Variants in CPS1 observed in about 807,000 individuals in gnomAD.
The protein encoded by CPS1 is carbamoyl-phosphate synthase [ammonia], mitochondrial.
A neutral mutation model predicts 174.6 loss-of-function variants in CPS1; 109 were observed. The observed-to-expected ratio is 0.62, with a 90% CI of 0.53 to 0.73. The LOEUF is 0.73. CPS1 is among the 30% of genes least tolerant of loss of function. The probability of loss-of-function intolerance (pLI) is 0.00; values close to 1 mark genes in which losing one functional copy is unlikely to be tolerated. For missense variants in CPS1, 1,689 were observed against 1,821.9 expected (o/e 0.93, Z 1.33); for synonymous variants, 637 against 632.0 (o/e 1.01, Z -0.12).
At chr2:210,656,451 G>A in intron 29 of CPS1, 74 bp from the exon 30 acceptor site, 1 of 1,019,738 alleles carries the variant, frequency 9.8e-7, no homozygotes, top group Non-Finnish European at 1.6e-6. Context: ...CAAAGGGGAG[G>A]ATGAGGGAGT....
At chr2:210,666,161 T>G (rs914995359) in intron 33 of CPS1, among the ~76,000 whole-genome samples, 3 of 151,984 alleles carry the variant, frequency 2.0e-5, no homozygotes, top group Non-Finnish European at 2.9e-5. Context: ...TTGCTCACTT[T>G]TTGATGGGGT....
At chr2:210,556,469 G>T (rs1451796285), upstream of CPS1, 2 of 862,216 alleles carry the variant, frequency 2.3e-6, no homozygotes, top group East Asian at 3.3e-5. Flanking sequence ...GCAGGAGAAG[G>T]TAGTATTTGA....
chr2:210,549,621 G>C (rs1696669200), intron 1 of CPS1, among the ~76,000 whole-genome samples: 1 of 151,938 alleles, frequency 6.6e-6, no homozygotes. Flanking sequence ...AACAGCTTTA[G>C]ATCAAATATT....
chr2:210,506,666 G>C (rs961054694), intron 1 of CPS1, among the ~76,000 whole-genome samples: 2 of 152,152 alleles, frequency 1.3e-5, no homozygotes, highest in Non-Finnish European at 2.9e-5. Context: ...AATAACCAAT[G>C]CAAAGAAGTC....
At chr2:210,524,996 T>A (rs548293042) in intron 1 of CPS1, among the ~76,000 whole-genome samples, 1 of 152,088 alleles carries the variant, frequency 6.6e-6, no homozygotes, top group South Asian at 2.1e-4. Context: ...TCAGGTTTCA[T>A]CCACTGAACA....
rs187827089 is a variant in CPS1 at position 210,535,304 on chromosome 2, A to G, written c.4-21415A>G. Among the ~76,000 whole-genome samples, 397 of 152,276 alleles carry G rather than the reference A, an allele frequency of 2.6e-3. 3 individuals are homozygous for G. The highest frequency in any genetic ancestry group is 6.4e-3 in the South Asian group (31 of 4,826). ...TGTTTTCTGGCTATGCTTTGAGAGCAGGTTAGGCACCTACCCCTGTCAGAA... is the reference window on the plus strand; with the variant it reads ...TGTTTTCTGGCTATGCTTTGAGAGCGGGTTAGGCACCTACCCCTGTCAGAA... On this transcript the variant is annotated intron_variant, in intron 1 of 38. Transcript: ENST00000430249.
intron 1 of CPS1, among the ~76,000 whole-genome samples, chr2:210,508,883 A>T (rs1695367071): frequency 1.3e-5 from 2 of 152,226 alleles, no homozygotes; most frequent in African/African-American, 2.4e-5. Context: ...TTGAGGCAAT[A>T]ATTAATAGCT....
At chr2:210,546,241 C>G (rs542571836) in intron 1 of CPS1, among the ~76,000 whole-genome samples, 4 of 151,990 alleles carry the variant, frequency 2.6e-5, no homozygotes. Flanking sequence ...TTAATTATTA[C>G]TTATGGACTA....
intron 2 of CPS1, among the ~76,000 whole-genome samples, chr2:210,575,209 T>C (rs1034082254): frequency 5.9e-5 from 9 of 152,062 alleles, no homozygotes; most frequent in African/African-American, 2.2e-4. Flanking sequence ...TAGGCGTTAG[T>C]CTGGATGGTG....
intron 32 of CPS1, among the ~76,000 whole-genome samples, chr2:210,662,024 C>T (rs992620320): frequency 1.3e-5 from 2 of 150,300 alleles, no homozygotes; most frequent in Admixed American, 6.7e-5. Flanking sequence ...TCCCCCTCAG[C>T]CCCCCAAGTA....
intron 1 of CPS1, among the ~76,000 whole-genome samples, chr2:210,513,947 C>A (rs553304373): frequency 4.8e-4 from 73 of 152,146 alleles, no homozygotes; most frequent in African/African-American, 1.6e-3. Flanking sequence ...ATAGGAAGTT[C>A]TTTCCCCATT....
chr2:210,486,462 C>T (rs1694729514), intron 1 of CPS1, among the ~76,000 whole-genome samples: 2 of 152,158 alleles, frequency 1.3e-5, no homozygotes, highest in African/African-American at 2.4e-5. Flanking sequence ...CTTATATCAT[C>T]TTATCATCTT....
chr2:210,510,717 G>T (rs569896150), intron 1 of CPS1, among the ~76,000 whole-genome samples: 1 of 152,112 alleles, frequency 6.6e-6, no homozygotes, highest in African/African-American at 2.4e-5. Context: ...ACAAGTGGGC[G>T]AAGGATATGA....
chr2:210,619,248 G>A (rs1471770963), intron 21 of CPS1: 1 of 152,118 alleles, frequency 6.6e-6, no homozygotes, highest in East Asian at 1.9e-4. Context: ...TGGAGCCAGA[G>A]ATTGGTGCGC....
At chr2:210,621,017 C>A (rs1022925226) in intron 21 of CPS1, among the ~76,000 whole-genome samples, 1 of 152,072 alleles carries the variant, frequency 6.6e-6, no homozygotes, top group Non-Finnish European at 1.5e-5. Flanking sequence ...TCTATTCTTA[C>A]CAGCTTAGGT....
rs112393887 is a variant in CPS1 at position 210,602,104 on chromosome 2, C to G, written c.1708-98C>G. On this transcript the variant is annotated intron_variant, in intron 15 of 37. Transcript: ENST00000233072. ...AACATTTCTAGATTCACTCTCCCCA[C>G]ATAAGTTGGTTTACCTGATTGCCAG... The G allele has an allele frequency of 5.9e-3, 8,353 of 1,406,244 alleles. 189 individuals are homozygous for G. In the African/African-American group the frequency reaches 0.066, roughly 11 times the overall value. 87.1% of individuals were successfully genotyped at this position (1,406,244 alleles called of 1,614,324 possible).
chr2:210,666,754 G>A (rs1222273959), intron 33 of CPS1, among the ~76,000 whole-genome samples: 3 of 152,192 alleles, frequency 2.0e-5, no homozygotes, highest in Admixed American at 1.3e-4. Flanking sequence ...TTGAAGTCAG[G>A]TAGGGTGATG....
At chr2:210,658,834 C>T in intron 31 of CPS1, 146 bp downstream of exon 31, 4 of 695,082 alleles carry the variant, frequency 5.8e-6, no homozygotes, top group East Asian at 2.8e-5. Context: ...TGGAATGATG[C>T]ATAGCATATA....
chr2:210,535,825 T>TTG, intron 1 of CPS1, among the ~76,000 whole-genome samples: 1 of 149,026 alleles, frequency 6.7e-6, no homozygotes, highest in Non-Finnish European at 1.5e-5. Flanking sequence ...CCTTGTTTTT[T>TTG]TTTTTTTTTT....
Sources: allele counts gnomAD v4.1 joint callset (sites outside exome capture counted in the v4.1 genomes callset), GRCh38; gene constraint gnomAD v4.1.1; transcripts MANE v1.5; gene names NCBI Gene and HGNC (gene_info 2026-07-23, HGNC 2026-07-21).